Variants in RARS2 observed in about 807,000 individuals in gnomAD.
RARS2 encodes the protein arginyl-tRNA synthetase 2, mitochondrial.
In RARS2, 67 loss-of-function variants were observed where a neutral mutation model predicts 88.5. That is an observed-to-expected ratio of 0.76 (90% CI 0.62 to 0.93). The LOEUF is 0.93. RARS2 is among the 40% of genes least tolerant of loss of function. RARS2 has a pLI of 0.00. For synonymous variants in RARS2, 239 were observed against 230.3 expected, an observed-to-expected ratio of 1.04 and a Z score of -0.34; for missense variants, 664 against 684.2, an observed-to-expected ratio of 0.97 and a Z score of 0.33.
At chr6:87,566,532 G>A (rs535964190) in intron 2 of RARS2, among the ~76,000 whole-genome samples, 1 of 152,214 alleles carries the variant, frequency 6.6e-6, no homozygotes, top group East Asian at 1.9e-4. Flanking sequence ...ATGAAAAGCA[G>A]TAGATATCAA....
Position 87,589,938 on chromosome 6 carries a change from C to G in RARS2, c.20G>C (p.Arg7Pro), listed in dbSNP as rs749446134. 6.2e-7 allele frequency: 1 copy of G among 1,613,884 alleles called. No individual in the cohort carries two copies. Among genetic ancestry groups the G allele is most frequent in the Non-Finnish European group, 8.5e-7 (1 of 1,179,952 alleles). Residue 7 changes from arginine (R) to proline (P), a missense_variant, in exon 1 of 20, where the codon CGC (arginine) becomes CCC (proline). Physicochemically the swap from Arg to Pro is moderately radical, Grantham distance 103 (BLOSUM62 -2). Coordinates refer to ENST00000369536, the MANE Select transcript of RARS2 (RefSeq NM_020320.5). ...GATCCATACCTGGCAAGCAATAGCG[C>G]GGCGAAAGCCGCACGCCATGTCCAC... MACGFR[R>P]AIACQLSRVL...
At chr6:87,553,042 G>C (rs1784831596) in intron 5 of RARS2, among the ~76,000 whole-genome samples, 1 of 152,132 alleles carries the variant, frequency 6.6e-6, no homozygotes, top group South Asian at 2.1e-4. Context: ...ATTAAGAGAT[G>C]TACTCTATTT....
intron 2 of RARS2, among the ~76,000 whole-genome samples, chr6:87,565,537 C>T (rs1269344453): frequency 6.6e-6 from 1 of 152,040 alleles, no homozygotes; most frequent in Non-Finnish European, 1.5e-5. Context: ...ATCTGTAATG[C>T]TTAACAAAAA....
intron 1 of RARS2, among the ~76,000 whole-genome samples, chr6:87,582,228 G>A (rs1279117330): frequency 6.6e-6 from 1 of 152,140 alleles, no homozygotes; most frequent in Non-Finnish European, 1.5e-5. Flanking sequence ...CACCAACAGT[G>A]TAAAAGTGTT....
chr6:87,578,897 T>C lies in RARS2; in HGVS notation c.37-9307A>G, dbSNP rs546908146. Among the ~76,000 whole-genome samples, 3 of 131,592 alleles carry C rather than the reference T, an allele frequency of 2.3e-5. No individual in the cohort carries two copies. In the East Asian group the frequency reaches 7.2e-4, roughly 32 times the overall value. The allele number at this position is 131,592 out of a possible 152,430, so 86.3% of individuals were successfully genotyped here. On this transcript the variant is annotated intron_variant, in intron 1 of 19. Coordinates refer to ENST00000369536, the MANE Select transcript of RARS2 (RefSeq NM_020320.5). ...ATCACTTGAACCTGGGAGGCAGAGG[T>C]TGCAGTGAGCTGAGATCGCACCACT...
intron 5 of RARS2, among the ~76,000 whole-genome samples, chr6:87,554,714 A>C (rs1198083509): frequency 1.3e-5 from 2 of 152,068 alleles, no homozygotes; most frequent in African/African-American, 4.8e-5. Flanking sequence ...TTGCCTTCCA[A>C]AGTGCTAGGA....
intron 6 of RARS2, among the ~76,000 whole-genome samples, chr6:87,546,452 G>A (rs1255947303): frequency 2.0e-5 from 3 of 152,136 alleles, no homozygotes; most frequent in African/African-American, 4.8e-5. Flanking sequence ...AGAGGTCCTA[G>A]TATTCCATGA....
rs1019276243 is a variant in RARS2 at position 87,576,437 on chromosome 6, C to T, written c.37-6847G>A. The stretch of plus-strand genomic sequence containing the variant: ...GACTACAGGCGCCCGCTACCACGCC[C>T]GGCTAATTTTTTGTATTTTTAGTAG... On this transcript the variant is annotated intron_variant, in intron 1 of 19. Coordinates refer to ENST00000369536, the MANE Select transcript of RARS2 (RefSeq NM_020320.5). Among the ~76,000 whole-genome samples, 17 of 110,808 alleles carry T rather than the reference C, an allele frequency of 1.5e-4. 5 individuals carry two copies. The highest frequency in any genetic ancestry group is 5.8e-4 in the African/African-American group (17 of 29,406). The allele number at this position is 110,808 out of a possible 152,430, so 72.7% of individuals were successfully genotyped here.
intron 8 of RARS2, among the ~76,000 whole-genome samples, chr6:87,538,648 A>G (rs1433118783): frequency 2.6e-5 from 4 of 152,256 alleles, no homozygotes; most frequent in East Asian, 1.9e-4. Context: ...TGTAATTCCA[A>G]TACTTTGGGA....
chr6:87,585,768 TTC>T (rs1408937724), intron 1 of RARS2, among the ~76,000 whole-genome samples: 3 of 147,650 alleles, frequency 2.0e-5, no homozygotes, highest in Non-Finnish European at 4.5e-5. Flanking sequence ...TAAAAATAAA[TTC>T]TGTTGAGTCC....
chr6:87,529,148 T>C (rs988664517), intron 10 of RARS2, among the ~76,000 whole-genome samples: 6 of 152,232 alleles, frequency 3.9e-5, no homozygotes, highest in Admixed American at 1.3e-4. Flanking sequence ...AAGCCTGTTA[T>C]AGTATACTTA....
intron 1 of RARS2, among the ~76,000 whole-genome samples, chr6:87,570,553 G>A (rs899633306): frequency 7.9e-5 from 12 of 152,028 alleles, no homozygotes; most frequent in South Asian, 2.1e-4. Flanking sequence ...CAAGTAGCTG[G>A]GATTACAGAC....
chr6:87,569,411 A>G, intron 2 of RARS2, 106 bp downstream of exon 2: 1 of 838,462 alleles, frequency 1.2e-6, no homozygotes, highest in South Asian at 1.4e-5. Context: ...AGTTAATTTC[A>G]AGGACTATTC....
chr6:87,578,130 TTAAAAA>T (rs1279572055), intron 1 of RARS2, among the ~76,000 whole-genome samples: 13 of 149,246 alleles, frequency 8.7e-5, no homozygotes, highest in Admixed American at 6.6e-4. Flanking sequence ...CCATCTCTAT[TTAAAAA>T]TAAAAATAAT....
chr6:87,588,470 C>T (rs1385672449), intron 1 of RARS2, among the ~76,000 whole-genome samples: 1 of 152,124 alleles, frequency 6.6e-6, no homozygotes, highest in Non-Finnish European at 1.5e-5. Context: ...TGGGTCCGTC[C>T]AAGTGATCCT....
intron 10 of RARS2, among the ~76,000 whole-genome samples, chr6:87,524,959 T>C (rs894895906): frequency 6.6e-6 from 1 of 152,236 alleles, no homozygotes; most frequent in African/African-American, 2.4e-5. Flanking sequence ...ATTGTAACTA[T>C]GAAATGTCAC....
intron 6 of RARS2, 74 bp downstream of exon 6, chr6:87,548,517 T>G: frequency 7.0e-7 from 1 of 1,436,480 alleles, no homozygotes; most frequent in Non-Finnish European, 9.6e-7. Context: ...ATTTAAGCAT[T>G]AAAACATTAA....
chr6:87,561,240 T>C (rs1016280798), intron 4 of RARS2, among the ~76,000 whole-genome samples: 16 of 152,198 alleles, frequency 1.1e-4, no homozygotes, highest in African/African-American at 3.6e-4. Context: ...ACATCAGTTA[T>C]GCACAAACTC....
chr6:87,520,064 C>T (rs1052457695), intron 13 of RARS2, 116 bp downstream of exon 13: 13 of 900,586 alleles, frequency 1.4e-5, no homozygotes, highest in Middle Eastern at 2.1e-4. Context: ...ATCTACCTTT[C>T]CACACCAGTA....
Sources: gnomAD v4.1 joint callset for allele counts (sites outside exome capture counted in the v4.1 genomes callset) on GRCh38, gnomAD v4.1.1 for gene constraint, MANE v1.5 for transcripts, NCBI Gene and HGNC (gene_info 2026-07-23, HGNC 2026-07-21) for gene names.